ATAD2B: variants seen among roughly 807,000 people sequenced by gnomAD.
The protein encoded by ATAD2B is ATPase family AAA domain containing 2B.
In ATAD2B, 40 loss-of-function variants were observed where a neutral mutation model predicts 167.6. The observed-to-expected ratio is 0.24, with a 90% CI of 0.19 to 0.31. ATAD2B has a LOEUF of 0.31. Ranked by LOEUF, ATAD2B falls within the 10% of genes least tolerant of loss-of-function variation. The pLI, the probability that ATAD2B is intolerant of heterozygous loss-of-function variation, is 1.00. For synonymous variants in ATAD2B, 579 were observed against 596.5 expected (o/e 0.97, Z 0.43); for missense variants, 1,242 against 1,757.2 (o/e 0.71, Z 5.24).
downstream of ATAD2B, among the ~76,000 whole-genome samples, chr2:23,746,351 C>T (rs1674879491): frequency 6.6e-6 from 1 of 152,164 alleles, no homozygotes. Context: ...AATAATAGCA[C>T]CTATCTCATA....
chr2:23,849,922 C>A (rs1013416543), intron 13 of ATAD2B, among the ~76,000 whole-genome samples: 1 of 151,812 alleles, frequency 6.6e-6, no homozygotes, highest in African/African-American at 2.4e-5. Flanking sequence ...TGGCAGAATG[C>A]AAATTCACAG....
chr2:23,888,460 T>C (rs1699007138), intron 2 of ATAD2B, 61 bp from the exon 3 acceptor site: 2 of 1,002,194 alleles, frequency 2.0e-6, no homozygotes, highest in Middle Eastern at 2.1e-4. Flanking sequence ...AAGCAAGAAA[T>C]GAAATACTGC....
chr2:23,872,432 T>C (rs1446383327), intron 8 of ATAD2B: 5 of 721,604 alleles, frequency 6.9e-6, no homozygotes, highest in Admixed American at 3.6e-5. Flanking sequence ...TGTTTCACAA[T>C]GCCCCAGAGG....
the ATAD2B span, among the ~76,000 whole-genome samples, chr2:23,692,334 G>C: frequency 6.6e-6 from 1 of 152,250 alleles, no homozygotes; most frequent in African/African-American, 2.4e-5. Context: ...TGAGTACCCA[G>C]ATCTGCTGCC....
At chr2:23,778,768 G>T (rs1291573716) in intron 22 of ATAD2B, among the ~76,000 whole-genome samples, 1 of 152,172 alleles carries the variant, frequency 6.6e-6, no homozygotes, top group Non-Finnish European at 1.5e-5. Flanking sequence ...CCATTTTACA[G>T]ATGAGGAAAC....
At chr2:23,831,437 T>C (rs1445857301) in intron 14 of ATAD2B, among the ~76,000 whole-genome samples, 5 of 152,186 alleles carry the variant, frequency 3.3e-5, no homozygotes, top group Admixed American at 6.5e-5. Context: ...GGCCAAACCA[T>C]AGGACTGAGA....
rs1313618301 is a variant in ATAD2B, at chr2:23,760,699, T to TATACAC, written c.3394+1509_3394+1510insGTGTAT. On this transcript the variant is annotated intron_variant, in intron 24 of 27. Coordinates refer to ENST00000238789, the MANE Select transcript of ATAD2B (RefSeq NM_017552.4). Reference sequence around the variant, plus strand: ...AAAAAAATAAATAAATTTATATATATACACACACACACACACACACACACA... The same window carrying TATACAC: ...AAAAAAATAAATAAATTTATATATATATACACACACACACACACACACACACACACA... Among the ~76,000 whole-genome samples, 6 of 123,640 alleles carry TATACAC rather than the reference T, an allele frequency of 4.9e-5. No individual in the cohort carries two copies. In the Admixed American group the frequency reaches 5.1e-4, roughly 10 times the overall value. The allele number at this position is 123,640 out of a possible 152,430, so 81.1% of individuals were successfully genotyped here. A position where few individuals can be genotyped will look rare whatever the true frequency, so the allele number is the denominator to read the frequency against.
chr2:23,777,917 T>C (rs1679411025), intron 22 of ATAD2B, among the ~76,000 whole-genome samples: 1 of 152,220 alleles, frequency 6.6e-6, no homozygotes, highest in Non-Finnish European at 1.5e-5. Flanking sequence ...TTAGGCAACG[T>C]GTATATCTTT....
At chr2:23,840,482 G>A (rs574753032) in intron 13 of ATAD2B, among the ~76,000 whole-genome samples, 7 of 151,938 alleles carry the variant, frequency 4.6e-5, no homozygotes, top group Admixed American at 2.0e-4. Flanking sequence ...TGTTGGCTAC[G>A]ATTTTTGTCT....
At chr2:23,923,668 T>C (rs1460461156) in intron 1 of ATAD2B, among the ~76,000 whole-genome samples, 1 of 151,288 alleles carries the variant, frequency 6.6e-6, no homozygotes, top group Non-Finnish European at 1.5e-5. Context: ...AAAAGGCTTT[T>C]CATACCGAAA....
intron 1 of ATAD2B, among the ~76,000 whole-genome samples, chr2:23,904,367 T>C (rs767097320): frequency 2.0e-5 from 3 of 152,152 alleles, no homozygotes; most frequent in East Asian, 1.9e-4. Flanking sequence ...TAAGAGATCA[T>C]TGTAACTTCT....
intron 22 of ATAD2B, among the ~76,000 whole-genome samples, chr2:23,776,810 T>G (rs1265957561): frequency 2.0e-5 from 3 of 152,238 alleles, no homozygotes; most frequent in Admixed American, 2.0e-4. Flanking sequence ...TTTGTTATTA[T>G]AATCACCAAT....
intron 14 of ATAD2B, among the ~76,000 whole-genome samples, chr2:23,832,988 A>G (rs1249804165): frequency 6.6e-6 from 1 of 152,234 alleles, no homozygotes; most frequent in Non-Finnish European, 1.5e-5. Flanking sequence ...CACTTGGGCA[A>G]TGAAAATAAT....
chr2:23,917,539 T>C (rs1196733603), intron 1 of ATAD2B, among the ~76,000 whole-genome samples: 3 of 151,728 alleles, frequency 2.0e-5, no homozygotes, highest in South Asian at 2.1e-4. Flanking sequence ...GAGGGAAAGA[T>C]AGTAGCACAA....
downstream of ATAD2B, among the ~76,000 whole-genome samples, chr2:23,745,379 A>AGGAG: frequency 1.2e-5 from 1 of 83,988 alleles, no homozygotes; most frequent in Non-Finnish European, 2.8e-5. Flanking sequence ...GAAGGAAGGA[A>AGGAG]GGAAGGAAGG....
chr2:23,765,689 C>T, intron 22 of ATAD2B, 61 bp from the exon 23 acceptor site: 3 of 1,099,144 alleles, frequency 2.7e-6, no homozygotes, highest in Non-Finnish European at 3.6e-6. Context: ...TAACAAAGGA[C>T]ATCTTAAAAA....
At chr2:23,803,548 C>G (rs186037083) in intron 18 of ATAD2B, among the ~76,000 whole-genome samples, 6 of 152,244 alleles carry the variant, frequency 3.9e-5, no homozygotes, top group African/African-American at 1.4e-4. Context: ...TGTGTAAGTA[C>G]ACTCAGGTGA....
At chr2:23,766,576 T>C (rs767568288) in intron 22 of ATAD2B, among the ~76,000 whole-genome samples, 1 of 152,210 alleles carries the variant, frequency 6.6e-6, no homozygotes, top group African/African-American at 2.4e-5. Context: ...ACATTTTCTC[T>C]AAACATTCAC....
the ATAD2B span, among the ~76,000 whole-genome samples, chr2:23,723,378 G>A: frequency 6.8e-6 from 1 of 147,170 alleles, no homozygotes; most frequent in African/African-American, 2.5e-5. Context: ...GGGAAGGGAG[G>A]GGCAGGGAGA....
Sources: allele counts gnomAD v4.1 joint callset (sites outside exome capture counted in the v4.1 genomes callset), GRCh38; gene constraint gnomAD v4.1.1; transcripts MANE v1.5; gene names NCBI Gene and HGNC (gene_info 2026-07-23, HGNC 2026-07-21).